Variants in GPX6 observed in about 807,000 individuals in gnomAD.
The protein encoded by GPX6 is glutathione peroxidase 6.
A neutral mutation model predicts 20.0 loss-of-function variants in GPX6; 21 were observed. The observed-to-expected ratio is 1.05, with a 90% CI of 0.74 to 1.51. The LOEUF (loss-of-function observed/expected upper bound fraction) is 1.51, where lower values mean the gene tolerates loss of function less well. Ranked by LOEUF, GPX6 falls within the 40% of genes most tolerant of loss-of-function variation. GPX6 has a pLI of 0.00. For synonymous variants in GPX6, 75 were observed against 98.0 expected (o/e 0.77, Z 1.38); for missense variants, 233 against 254.7 (o/e 0.91, Z 0.58).
At chr6:28,511,567 C>T (rs1762873999) in intron 1 of GPX6, among the ~76,000 whole-genome samples, 1 of 152,254 alleles carries the variant, frequency 6.6e-6, no homozygotes, top group African/African-American at 2.4e-5. Context: ...ACCCTAGCAG[C>T]CAGAGGCACT....
chr6:28,514,714 T>TAAA (rs1762993234), intron 1 of GPX6, among the ~76,000 whole-genome samples: 2 of 152,214 alleles, frequency 1.3e-5, no homozygotes, highest in Non-Finnish European at 2.9e-5. Context: ...AATTGTGCTT[T>TAAA]AACCAGCTAT....
intron 4 of GPX6, among the ~76,000 whole-genome samples, chr6:28,505,367 T>C (rs1762797892): frequency 6.6e-6 from 1 of 152,242 alleles, no homozygotes; most frequent in South Asian, 2.1e-4. Flanking sequence ...GTATCATCCA[T>C]GTCTGTCTCC....
Position 28,504,441 on chromosome 6 carries a change from G to A in GPX6, c.517C>T (p.Pro173Ser). The A allele has an allele frequency of 6.2e-7, 1 of 1,614,120 alleles. No homozygotes were observed. Among genetic ancestry groups the A allele is most frequent in the Non-Finnish European group, 8.5e-7 (1 of 1,180,038 alleles). Residue 173 changes from proline (P) to serine (S), a missense_variant, in exon 5 of 5, where the codon CCC becomes TCC. Coordinates refer to ENST00000361902, the MANE Select transcript of GPX6 (RefSeq NM_182701.1). ...LGSSSQLFWE[P>S]MKVHDIRWNF... is the part of the protein sequence containing the mutation. ...CAGCGGATATCATGGACCTTCATGGGCTCCCAGAAGAGTTGGCTTGATGAG... is the reference window on the plus strand; with the variant it reads ...CAGCGGATATCATGGACCTTCATGGACTCCCAGAAGAGTTGGCTTGATGAG...
Position 28,509,687 on chromosome 6 carries a change from T to C in GPX6, c.241+1064A>G, listed in dbSNP as rs993065190. Among the ~76,000 whole-genome samples the C allele has an allele frequency of 7.9e-5, 12 of 152,334 alleles. No homozygotes were observed. In the East Asian group the frequency reaches 2.3e-3, roughly 29 times the overall value. On this transcript the variant is annotated intron_variant, in intron 2 of 4. Transcript: ENST00000361902. ...CTGTATCTATCTCTAGTATAATTGA[T>C]CTAAAATTTTAAATAACCTTTTCTG...
chr6:28,512,624 C>T (rs1762907489), intron 1 of GPX6, among the ~76,000 whole-genome samples: 1 of 152,186 alleles, frequency 6.6e-6, no homozygotes, highest in Non-Finnish European at 1.5e-5. Context: ...CCGGAGCCAG[C>T]AGTGGCAGCC....
chr6:28,512,870 T>C (rs573933263), intron 1 of GPX6, among the ~76,000 whole-genome samples: 1 of 151,930 alleles, frequency 6.6e-6, no homozygotes, highest in South Asian at 2.1e-4. Flanking sequence ...GCAGCTTCAC[T>C]CTTGAGCCTC....
chr6:28,508,430 C>T (rs999317617), intron 2 of GPX6, among the ~76,000 whole-genome samples: 2 of 152,148 alleles, frequency 1.3e-5, no homozygotes, highest in African/African-American at 2.4e-5. Context: ...CTAAATGATA[C>T]TAAATTGTTG....
Position 28,504,405 on chromosome 6 carries a change from T to C in GPX6, c.553A>G (p.Lys185Glu). 1 of 1,614,172 alleles carries C rather than the reference T, an allele frequency of 6.2e-7. No homozygotes were observed. The change falls in exon 5 of 5, where the codon AAA (lysine) becomes GAA (glutamate). Residue 185 changes from lysine to glutamate, a missense_variant. Transcript: ENST00000361902. ...KVHDIRWNFE[K>E]FLVGPDGVPV... is the part of the protein sequence containing the mutation. Reference sequence around the variant, plus strand: ...ACTCCATCGGGCCCCACCAGAAATTTCTCAAAGTTCCAGCGGATATCATGG... The same window carrying C: ...ACTCCATCGGGCCCCACCAGAAATTCCTCAAAGTTCCAGCGGATATCATGG...
At chr6:28,515,475 A>G (rs541480388) in intron 1 of GPX6, among the ~76,000 whole-genome samples, 182 bp downstream of exon 1, 3 of 152,340 alleles carry the variant, frequency 2.0e-5, no homozygotes, top group Non-Finnish European at 2.9e-5. Context: ...AAAAGATGCA[A>G]GTAAGAGACA....
intron 3 of GPX6, among the ~76,000 whole-genome samples, chr6:28,506,029 T>TC (rs2113597874): frequency 6.6e-6 from 1 of 152,348 alleles, no homozygotes; most frequent in East Asian, 1.9e-4. Context: ...TGAGCTTAGG[T>TC]TTCCTGCTTC....
At chr6:28,515,074 C>A (rs1762999218) in intron 1 of GPX6, among the ~76,000 whole-genome samples, 1 of 152,180 alleles carries the variant, frequency 6.6e-6, no homozygotes, top group Non-Finnish European at 1.5e-5. Flanking sequence ...CACCTCATGA[C>A]CTTCCCTAAA....
rs1762780131 is a variant in GPX6 at position 28,503,973 on chromosome 6, T to G, written c.*319A>C. The G allele has an allele frequency of 3.6e-6, 1 of 281,170 alleles. No individual in the cohort carries two copies. The highest frequency in any genetic ancestry group is 7.1e-5 in the East Asian group (1 of 13,996). The allele number at this position is 281,170 out of a possible 1,614,324, so 17.4% of individuals were successfully genotyped here. A position where few individuals can be genotyped will look rare whatever the true frequency, so the allele number is the denominator to read the frequency against. Reference sequence around the variant, plus strand: ...TATGATTTTCCTTTGGAATAGATATTTCAGGATCAGAGAGTTGGAGAGATA... The same window carrying G: ...TATGATTTTCCTTTGGAATAGATATGTCAGGATCAGAGAGTTGGAGAGATA... On this transcript the variant is annotated 3_prime_UTR_variant, in exon 5 of 5. Transcript: ENST00000361902.
intron 1 of GPX6, among the ~76,000 whole-genome samples, chr6:28,511,657 G>A (rs1197791259): frequency 6.6e-6 from 1 of 152,276 alleles, no homozygotes; most frequent in Admixed American, 6.5e-5. Flanking sequence ...CACCATCGTG[G>A]TGAGAGGTGA....
At chr6:28,512,449 C>G (rs1762900877) in intron 1 of GPX6, among the ~76,000 whole-genome samples, 1 of 131,866 alleles carries the variant, frequency 7.6e-6, no homozygotes, top group Admixed American at 7.7e-5. Flanking sequence ...TGTGTGGACA[C>G]TCTGTATCTA....
rs67996303 is a variant in GPX6 at position 28,504,022 on chromosome 6, AAC to A, written c.*268_*269del. ...TAGGTGTTCTTTTCCTTAATCTTCA[AAC>A]ACACACACACACACACACACACACA... On this transcript the variant is annotated 3_prime_UTR_variant, in exon 5 of 5. Coordinates refer to ENST00000361902, the MANE Select transcript of GPX6 (RefSeq NM_182701.1). The A allele has an allele frequency of 0.28, 92,207 of 326,576 alleles. 8,608 individuals are homozygous for A. The highest frequency in any genetic ancestry group is 0.43 in the African/African-American group (19,623 of 45,288). 20.2% of individuals were successfully genotyped at this position (326,576 alleles called of 1,614,324 possible). A position where few individuals can be genotyped will look rare whatever the true frequency, so the allele number is the denominator to read the frequency against.
At chr6:28,505,126 C>T (rs1315382737) in intron 4 of GPX6, among the ~76,000 whole-genome samples, 2 of 152,148 alleles carry the variant, frequency 1.3e-5, no homozygotes, top group Non-Finnish European at 2.9e-5. Flanking sequence ...AATTTAATGT[C>T]AGAATAAATG....
At chr6:28,512,686 A>G (rs897172172) in intron 1 of GPX6, among the ~76,000 whole-genome samples, 38 of 152,148 alleles carry the variant, frequency 2.5e-4, no homozygotes, top group African/African-American at 8.2e-4. Flanking sequence ...GCTCTTTGCA[A>G]TAAGTCTTGC....
At chr6:28,513,358 C>A (rs944546200) in intron 1 of GPX6, among the ~76,000 whole-genome samples, 5 of 152,180 alleles carry the variant, frequency 3.3e-5, no homozygotes, top group African/African-American at 4.8e-5. Context: ...TGTAAACATT[C>A]ACTCCTAGAC....
At chr6:28,512,070 C>CCCG (rs1029305369) in intron 1 of GPX6, among the ~76,000 whole-genome samples, 2 of 152,244 alleles carry the variant, frequency 1.3e-5, no homozygotes, top group Admixed American at 1.3e-4. Flanking sequence ...TGAGCCTCCT[C>CCCG]CCGCTCCGTG....
Sources: gnomAD v4.1 joint callset for allele counts (sites outside exome capture counted in the v4.1 genomes callset) on GRCh38, gnomAD v4.1.1 for gene constraint, MANE v1.5 for transcripts, NCBI Gene and HGNC (gene_info 2026-07-23, HGNC 2026-07-21) for gene names.